Variants in SNX16 observed in about 807,000 individuals in gnomAD.
The protein encoded by SNX16 is sorting nexin-16.
A neutral mutation model predicts 36.7 loss-of-function variants in SNX16; 35 were observed. The ratio of observed to expected loss-of-function variants is 0.95; its 90% CI spans 0.73 to 1.27. SNX16 has a LOEUF of 1.27. Ranked by LOEUF, SNX16 falls within the 50% of genes most tolerant of loss-of-function variation. SNX16 has a pLI of 0.00. For synonymous variants in SNX16, 134 were observed against 132.0 expected (o/e 1.02, Z -0.10); for missense variants, 367 against 393.6 (o/e 0.93, Z 0.57).
chr8:81,825,883 C>G (rs950479543), intron 3 of SNX16, among the ~76,000 whole-genome samples: 1 of 151,680 alleles, frequency 6.6e-6, no homozygotes, highest in Non-Finnish European at 1.5e-5. Flanking sequence ...ATATTTATGG[C>G]CTTGGAGCTT....
At chr8:81,807,541 A>AG (rs1810020334) in intron 5 of SNX16, among the ~76,000 whole-genome samples, 3 of 149,976 alleles carry the variant, frequency 2.0e-5, no homozygotes. Flanking sequence ...AAAAAAAAAA[A>AG]AAAAAAGAAC....
chr8:81,808,456 C>G, intron 5 of SNX16: 4 of 1,055,724 alleles, frequency 3.8e-6, no homozygotes, highest in Non-Finnish European at 4.4e-6. Context: ...GGTGGCTTTG[C>G]TGACAGCTGT....
intron 2 of SNX16, among the ~76,000 whole-genome samples, chr8:81,838,787 TTTTG>T (rs1197536563): frequency 6.6e-6 from 1 of 151,940 alleles, no homozygotes; most frequent in Non-Finnish European, 1.5e-5. Context: ...AATTAAGAAC[TTTTG>T]TTTATCAAAT....
intron 2 of SNX16, among the ~76,000 whole-genome samples, chr8:81,835,728 G>C (rs1192829293): frequency 6.6e-6 from 1 of 152,134 alleles, no homozygotes; most frequent in African/African-American, 2.4e-5. Context: ...GACTACCTCA[G>C]CCTGGACTGT....
chr8:81,831,261 G>T (rs1393331158), intron 2 of SNX16, among the ~76,000 whole-genome samples: 1 of 152,156 alleles, frequency 6.6e-6, no homozygotes, highest in African/African-American at 2.4e-5. Flanking sequence ...AAAACTTGAT[G>T]TGAGACCTAA....
intron 4 of SNX16, among the ~76,000 whole-genome samples, chr8:81,820,901 CT>C (rs1465995038): frequency 6.6e-6 from 1 of 151,146 alleles, no homozygotes; most frequent in Admixed American, 6.6e-5. Flanking sequence ...ATGAATAACC[CT>C]TCCTCCTCTT....
At position 81,808,164 on chromosome 8, in the gene SNX16, G is replaced by A. The variant is rs1456376190; in HGVS notation, c.682-4936C>T. The A allele has an allele frequency of 3.1e-6, 4 of 1,308,542 alleles. No homozygotes were observed. The African/African-American group carries it at 4.3e-5, about 14-fold the overall frequency. 81.1% of individuals were successfully genotyped at this position (1,308,542 alleles called of 1,614,324 possible). A position where few individuals can be genotyped will look rare whatever the true frequency, so the allele number is the denominator to read the frequency against. On this transcript the variant is annotated intron_variant, in intron 5 of 7. Transcript: ENST00000345957. The stretch of plus-strand genomic sequence containing the variant: ...ATTATTTTGAACAGTGTGGAAAAAT[G>A]GAAGTGATTGAAATCATGACTGACC...
chr8:81,832,172 A>T (rs1419838128), intron 2 of SNX16, among the ~76,000 whole-genome samples: 1 of 152,254 alleles, frequency 6.6e-6, no homozygotes, highest in Non-Finnish European at 1.5e-5. Flanking sequence ...CTAGCTGTCC[A>T]TCAAGGATAG....
At chr8:81,813,594 A>C (rs1810357492) in intron 5 of SNX16, among the ~76,000 whole-genome samples, 1 of 151,894 alleles carries the variant, frequency 6.6e-6, no homozygotes, top group Non-Finnish European at 1.5e-5. Flanking sequence ...AAATTCATTA[A>C]AATTAAAAAC....
Position 81,838,802 on chromosome 8 carries a change from G to A in SNX16, c.375+810C>T, listed in dbSNP as rs1269752889. Among the ~76,000 whole-genome samples the A allele has an allele frequency of 3.3e-5, 5 of 151,996 alleles. No individual in the cohort carries two copies. In the East Asian group the frequency reaches 7.7e-4, roughly 24 times the overall value. On this transcript the variant is annotated intron_variant, in intron 2 of 7. Coordinates refer to ENST00000345957, the MANE Select transcript of SNX16 (RefSeq NM_152836.3). ...AATTAAGAACTTTTGTTTATCAAAT[G>A]TATTATTAAGGAATTGAAAAGGCAA...
At chr8:81,813,099 G>A (rs1057503231) in intron 5 of SNX16, among the ~76,000 whole-genome samples, 13 of 151,962 alleles carry the variant, frequency 8.6e-5, no homozygotes, top group African/African-American at 1.4e-4. Flanking sequence ...GACAGATGTC[G>A]GAAAGAATAA....
Position 81,835,863 on chromosome 8 carries a change from G to A in SNX16, c.375+3749C>T, listed in dbSNP as rs151293593. 4.9e-4 allele frequency among the ~76,000 whole-genome samples: 74 copies of A among 152,286 alleles called. No individual in the cohort carries two copies. The East Asian group carries it at 0.013, about 26-fold the overall frequency. On this transcript the variant is annotated intron_variant, in intron 2 of 7. Coordinates refer to ENST00000345957, the MANE Select transcript of SNX16 (RefSeq NM_152836.3). ...GGACAGCTTGTGCAGGGAGACTCCC[G>A]CTTTTAAAACCATCAGATCTTGTGA... is the stretch of plus-strand genomic sequence containing the variant.
At chr8:81,826,146 A>T (rs1384279968) in intron 3 of SNX16, among the ~76,000 whole-genome samples, 1 of 152,150 alleles carries the variant, frequency 6.6e-6, no homozygotes, top group Non-Finnish European at 1.5e-5. Flanking sequence ...AAATGAAAAA[A>T]AATTGCCAGA....
chr8:81,803,367 G>A (rs991749081), intron 5 of SNX16, 139 bp from the exon 6 acceptor site: 1 of 899,178 alleles, frequency 1.1e-6, no homozygotes, highest in Non-Finnish European at 1.6e-6. Context: ...AACTCCAAAT[G>A]ATTTGTTCTC....
In SNX16 at chr8:81,800,580, C is replaced by A. The variant is rs1315947465; in HGVS notation, c.*917G>T. ...GAAAATCAGCCATAATACAGTATAACAACATCTTCACACAAATAGAAATAA... is the reference window on the plus strand; with the variant it reads ...GAAAATCAGCCATAATACAGTATAAAAACATCTTCACACAAATAGAAATAA... On this transcript the variant is annotated 3_prime_UTR_variant, in exon 8 of 8. Coordinates refer to ENST00000345957, the MANE Select transcript of SNX16 (RefSeq NM_152836.3). 1 of 152,242 alleles carries A rather than the reference C, an allele frequency of 6.6e-6. No individual in the cohort carries two copies. Among genetic ancestry groups the A allele is most frequent in the East Asian group, 1.9e-4 (1 of 5,200 alleles). 9.4% of individuals were successfully genotyped at this position (152,242 alleles called of 1,614,324 possible). A position where few individuals can be genotyped will look rare whatever the true frequency, so the allele number is the denominator to read the frequency against.
chr8:81,819,925 G>T (rs900500196), intron 4 of SNX16, among the ~76,000 whole-genome samples: 1 of 152,168 alleles, frequency 6.6e-6, no homozygotes, highest in South Asian at 2.1e-4. Context: ...GTAATGGTAA[G>T]GGCTTAGCCA....
intron 2 of SNX16, among the ~76,000 whole-genome samples, chr8:81,838,991 T>G (rs1811617367): frequency 6.6e-6 from 1 of 152,046 alleles, no homozygotes; most frequent in African/African-American, 2.4e-5. Context: ...CCAAAAAAAT[T>G]TTAAATTCAA....
At chr8:81,826,328 T>C (rs1276392131) in intron 3 of SNX16, among the ~76,000 whole-genome samples, 6 of 152,140 alleles carry the variant, frequency 3.9e-5, no homozygotes, top group South Asian at 2.1e-4. Context: ...ATTTTTTATA[T>C]GAACCTGGAA....
chr8:81,815,249 C>T lies in SNX16; in HGVS notation c.681+76G>A. On this transcript the variant is annotated intron_variant, in intron 5 of 7. Coordinates refer to ENST00000345957, the MANE Select transcript of SNX16 (RefSeq NM_152836.3). ...TTATAATATTTTGCTGTTTGCTATT[C>T]CATCCAAGAAACAATGTAGTTATTG... 6 of 1,119,816 alleles carry T rather than the reference C, an allele frequency of 5.4e-6. No individual in the cohort carries two copies. The South Asian group carries it at 9.7e-5, about 18-fold the overall frequency. 69.4% of individuals were successfully genotyped at this position (1,119,816 alleles called of 1,614,324 possible).
Sources: gnomAD v4.1 joint callset for allele counts (sites outside exome capture counted in the v4.1 genomes callset) on GRCh38, gnomAD v4.1.1 for gene constraint, MANE v1.5 for transcripts, NCBI Gene and HGNC (gene_info 2026-07-23, HGNC 2026-07-21) for gene names.